Variants in EXT1 observed in about 807,000 individuals in gnomAD.
EXT1 encodes the protein exostosin-1.
EXT1 carries 20 observed loss-of-function variants against 82.5 expected under a neutral mutation model. That is an observed-to-expected ratio of 0.24 (90% CI 0.17 to 0.35). EXT1 has a LOEUF of 0.35. Ranked by LOEUF, EXT1 falls within the 10% of genes least tolerant of loss-of-function variation. The pLI, the probability that EXT1 is intolerant of heterozygous loss-of-function variation, is 1.00. For synonymous variants in EXT1, 348 were observed against 350.8 expected (o/e 0.99, Z 0.09); for missense variants, 757 against 936.5 (o/e 0.81, Z 2.50).
intron 1 of EXT1, among the ~76,000 whole-genome samples, chr8:118,024,967 TTA>T (rs1200912097): frequency 6.6e-6 from 1 of 152,240 alleles, no homozygotes; most frequent in Non-Finnish European, 1.5e-5. Context: ...ATGTCTGTGT[TTA>T]TATGTGTGTT....
At chr8:118,107,853 A>G (rs1408643356) in intron 1 of EXT1, among the ~76,000 whole-genome samples, 3 of 152,216 alleles carry the variant, frequency 2.0e-5, no homozygotes, top group Non-Finnish European at 4.4e-5. Flanking sequence ...CCCGGGCTAC[A>G]TGCAAGTTTA....
At chr8:117,859,966 G>A (rs919538271) in intron 1 of EXT1, among the ~76,000 whole-genome samples, 7 of 151,946 alleles carry the variant, frequency 4.6e-5, no homozygotes, top group Non-Finnish European at 8.8e-5. Context: ...GGCCCACATG[G>A]TGCAACCCTG....
At chr8:117,804,673 C>T (rs1823211621) in intron 10 of EXT1, 49 bp downstream of exon 10, 1 of 1,607,788 alleles carries the variant, frequency 6.2e-7, no homozygotes, top group Non-Finnish European at 8.5e-7. Context: ...TTACCTGGGG[C>T]TGAACCACCA....
chr8:117,937,474 T>C (rs1814188747), intron 1 of EXT1, among the ~76,000 whole-genome samples: 1 of 152,236 alleles, frequency 6.6e-6, no homozygotes, highest in Non-Finnish European at 1.5e-5. Flanking sequence ...TGAATCGCCC[T>C]GATTTATGAA....
At chr8:117,875,223 C>A (rs1812946816) in intron 1 of EXT1, among the ~76,000 whole-genome samples, 1 of 151,964 alleles carries the variant, frequency 6.6e-6, no homozygotes. Flanking sequence ...TCGAGACCAG[C>A]CTGACCAACG....
intron 1 of EXT1, among the ~76,000 whole-genome samples, chr8:117,931,958 C>G (rs1432480303): frequency 6.6e-6 from 1 of 152,118 alleles, no homozygotes; most frequent in African/African-American, 2.4e-5. Context: ...GAAGAAAATG[C>G]CCACGCGGAA....
rs761252195 is a variant in EXT1, at chr8:117,818,459, G to A, written c.1608C>T (p.Val536=). 13 of 1,613,996 alleles carry A rather than the reference G, an allele frequency of 8.1e-6. No individual in the cohort carries two copies. Among genetic ancestry groups the A allele is most frequent in the South Asian group, 6.6e-5 (6 of 91,062 alleles). The change falls in exon 7 of 11, where the codon GTC becomes GTT. Residue 536 remains valine, a synonymous_variant. Transcript: ENST00000378204. The part of the protein sequence containing the change: ...KHRWPATAVP[V]VVIEGESKVM... ...CCTTGCTCTCTCCTTCAATGACGAC[G>A]ACAGGCACAGCAGTGGCAGGCCAGC...
intron 1 of EXT1, among the ~76,000 whole-genome samples, chr8:117,970,184 G>A (rs1166539060): frequency 6.6e-6 from 1 of 152,076 alleles, no homozygotes; most frequent in Non-Finnish European, 1.5e-5. Flanking sequence ...ACTATAAAGA[G>A]GTTTTATGGC....
intron 1 of EXT1, among the ~76,000 whole-genome samples, chr8:117,936,633 C>T (rs940824902): frequency 3.9e-5 from 6 of 152,106 alleles, no homozygotes; most frequent in African/African-American, 7.2e-5. Context: ...CCAGCACTTT[C>T]GGATGCCAAG....
chr8:117,825,273 TC>T (rs770193190), intron 4 of EXT1, among the ~76,000 whole-genome samples: 1 of 152,236 alleles, frequency 6.6e-6, no homozygotes, highest in Non-Finnish European at 1.5e-5. Context: ...CAACTTGCCT[TC>T]TAAAAGCATA....
At chr8:117,881,242 C>T (rs541538712) in intron 1 of EXT1, among the ~76,000 whole-genome samples, 5 of 152,164 alleles carry the variant, frequency 3.3e-5, no homozygotes, top group African/African-American at 1.2e-4. Context: ...AAAATGTCAC[C>T]GTTTAATGGT....
At chr8:117,858,766 A>AAGGAAGGAAGGCAGGCAGGCAGGC (rs1289892313) in intron 1 of EXT1, among the ~76,000 whole-genome samples, 20 of 54,676 alleles carry the variant, frequency 3.7e-4, no homozygotes, top group African/African-American at 1.0e-3. Flanking sequence ...GGAAGGAAGG[A>AAGGAAGGAAGGCAGGCAGGCAGGC]AGGCAGGCAG....
rs578211036 is a variant in EXT1 at position 117,997,105 on chromosome 8, CT to C, written c.962+112979del. 2.6e-5 allele frequency among the ~76,000 whole-genome samples: 4 copies of C among 152,142 alleles called. No homozygotes were observed. In the East Asian group the frequency reaches 7.7e-4, roughly 29 times the overall value. Reference sequence around the variant, plus strand: ...ATACCATTTGAGGGAAGTGGCACCCCTCTCAAAATCCTCAATTGCAATGAAG... The same window carrying C: ...ATACCATTTGAGGGAAGTGGCACCCCCTCAAAATCCTCAATTGCAATGAAG... On this transcript the variant is annotated intron_variant, in intron 1 of 10. Transcript: ENST00000378204.
At chr8:117,980,933 A>G (rs1815186030) in intron 1 of EXT1, among the ~76,000 whole-genome samples, 1 of 152,020 alleles carries the variant, frequency 6.6e-6, no homozygotes, top group Admixed American at 6.5e-5. Flanking sequence ...TGGCGGAGGA[A>G]GCCGTTGTCT....
intron 1 of EXT1, among the ~76,000 whole-genome samples, chr8:117,902,473 C>G (rs1813467610): frequency 6.6e-6 from 1 of 152,162 alleles, no homozygotes; most frequent in South Asian, 2.1e-4. Context: ...TGTGCCAAGA[C>G]AGTATAACAG....
intron 1 of EXT1, among the ~76,000 whole-genome samples, chr8:118,034,913 C>T (rs1432623554): frequency 2.0e-5 from 3 of 152,142 alleles, no homozygotes; most frequent in Non-Finnish European, 4.4e-5. Context: ...ACCAGAAAAG[C>T]AGAATTGGAA....
chr8:117,972,018 C>T (rs954131050), intron 1 of EXT1, among the ~76,000 whole-genome samples: 62 of 152,000 alleles, frequency 4.1e-4, no homozygotes, highest in African/African-American at 1.2e-3. Context: ...AGCGTGGTGG[C>T]GCATGCCTCT....
At chr8:117,867,130 G>A (rs541077710) in intron 1 of EXT1, among the ~76,000 whole-genome samples, 2 of 152,074 alleles carry the variant, frequency 1.3e-5, no homozygotes, top group South Asian at 2.1e-4. Flanking sequence ...ATGATGGTGC[G>A]TGCCTGTAGT....
At chr8:117,954,188 C>T (rs538224823) in intron 1 of EXT1, among the ~76,000 whole-genome samples, 14 of 152,316 alleles carry the variant, frequency 9.2e-5, no homozygotes, top group African/African-American at 2.9e-4. Context: ...GGAAGCCCAG[C>T]TCTGACTGCC....
Sources: gnomAD v4.1 joint callset for allele counts (sites outside exome capture counted in the v4.1 genomes callset) on GRCh38, gnomAD v4.1.1 for gene constraint, MANE v1.5 for transcripts, NCBI Gene and HGNC (gene_info 2026-07-23, HGNC 2026-07-21) for gene names.